Variants in ZDHHC23 observed in about 807,000 individuals in gnomAD.
The protein encoded by ZDHHC23 is palmitoyltransferase ZDHHC23.
A neutral mutation model predicts 40.2 loss-of-function variants in ZDHHC23; 41 were observed. The ratio of observed to expected loss-of-function variants is 1.02; its 90% confidence interval spans 0.79 to 1.32. The LOEUF (loss-of-function observed/expected upper bound fraction) is 1.32, where lower values mean the gene tolerates loss of function less well. ZDHHC23 is among the 40% of genes most tolerant of loss of function. ZDHHC23 has a pLI of 0.00. For synonymous variants in ZDHHC23, 204 were observed against 210.2 expected, an observed-to-expected ratio of 0.97 and a Z score of 0.26; for missense variants, 471 against 541.5, an observed-to-expected ratio of 0.87 and a Z score of 1.29.
chr3:113,967,310 G>C (rs955795758), downstream of ZDHHC23, among the ~76,000 whole-genome samples: 2 of 152,056 alleles, frequency 1.3e-5, no homozygotes, highest in Non-Finnish European at 2.9e-5. Flanking sequence ...AGCTCCTGCT[G>C]TTCTACCCTA....
the ZDHHC23 span, chr3:113,978,998 G>A: frequency 5.6e-6 from 9 of 1,613,412 alleles, no homozygotes; most frequent in Non-Finnish European, 7.6e-6. Flanking sequence ...AAAGAGTAAT[G>A]TTCTTCTGCC....
rs1236503902 is a variant in ZDHHC23 at position 113,958,544 on chromosome 3, T to C, written c.1222T>C (p.Tyr408His). The C allele has an allele frequency of 6.2e-7, 1 of 1,612,784 alleles. No homozygotes were observed. Among genetic ancestry groups the C allele is most frequent in the Non-Finnish European group, 8.5e-7 (1 of 1,180,014 alleles). Residue 408 changes from tyrosine (Y) to histidine (H), a missense_variant, in exon 5 of 5, where the codon TAC becomes CAC. Tyr to His is a moderately conservative substitution (Grantham distance 83). Coordinates refer to ENST00000638807, the MANE Select transcript of ZDHHC23 (RefSeq NM_001320466.2). ...CGGGCTCATCGTGGACACAGGCCAG[T>C]ACAATAGGGGCTTCCTGCGGAACTG... Reference protein sequence around the residue: ...LCGLIVDTGQYNRGFLRNWHQ... With the variant: ...LCGLIVDTGQHNRGFLRNWHQ...
At chr3:113,974,839 C>G in the ZDHHC23 span, among the ~76,000 whole-genome samples, 1 of 152,086 alleles carries the variant, frequency 6.6e-6, no homozygotes, top group African/African-American at 2.4e-5. Flanking sequence ...CATCTTGGCT[C>G]TAGTAAACCT....
rs1401041484 is a variant in ZDHHC23 at position 113,953,724 on chromosome 3, G to A, written c.186G>A (p.Gln62=). 1.2e-6 allele frequency: 2 copies of A among 1,613,786 alleles called. No homozygotes were observed. The highest frequency in any genetic ancestry group is 2.7e-5 in the African/African-American group (2 of 74,898). ...CDRWITCKSL[Q]PETCERIMDT... The stretch of plus-strand genomic sequence containing the variant: ...GATGGATTACATGTAAATCTTTACA[G>A]CCAGAGACTTGTGAAAGAATCATGG... The change falls in exon 3 of 5, where the codon CAG becomes CAA. Residue 62 remains glutamine (Q), a synonymous_variant. Coordinates refer to ENST00000638807, the MANE Select transcript of ZDHHC23 (RefSeq NM_001320466.2).
At chr3:113,970,724 C>A in the ZDHHC23 span, among the ~76,000 whole-genome samples, 2 of 152,100 alleles carry the variant, frequency 1.3e-5, no homozygotes, top group Non-Finnish European at 2.9e-5. Flanking sequence ...CCCGTCCCCC[C>A]ACCCCACAGC....
At chr3:113,949,723 T>G (rs1938483028) in intron 2 of ZDHHC23, among the ~76,000 whole-genome samples, 1 of 152,226 alleles carries the variant, frequency 6.6e-6, no homozygotes, top group African/African-American at 2.4e-5. Context: ...GCTTTTCCCA[T>G]TAATAATTAT....
At chr3:113,968,644 G>T (rs1468239074), downstream of ZDHHC23, among the ~76,000 whole-genome samples, 1 of 149,516 alleles carries the variant, frequency 6.7e-6, no homozygotes, top group Non-Finnish European at 1.5e-5. Flanking sequence ...TTTTTTGGTA[G>T]AGATGGGGTT....
intron 3 of ZDHHC23, among the ~76,000 whole-genome samples, chr3:113,955,576 T>TC (rs1009618800): frequency 6.6e-6 from 1 of 152,124 alleles, no homozygotes; most frequent in African/African-American, 2.4e-5. Context: ...AAGTTGTTCT[T>TC]CCCCCTACGC....
the ZDHHC23 span, chr3:113,978,532 AAC>A: frequency 1.6e-6 from 1 of 618,406 alleles, no homozygotes; most frequent in Non-Finnish European, 2.8e-6. Context: ...CATGAATAGA[AAC>A]AGTTATAAGA....
At chr3:113,954,522 C>A in intron 3 of ZDHHC23, 112 bp downstream of exon 3, 1 of 1,012,682 alleles carries the variant, frequency 9.9e-7, no homozygotes, top group Non-Finnish European at 1.4e-6. Flanking sequence ...AGCTTTACAC[C>A]TTGTAGATAT....
intron 3 of ZDHHC23, 59 bp from the exon 4 acceptor site, chr3:113,956,280 G>A (rs1056414699): frequency 1.0e-4 from 154 of 1,532,586 alleles, no homozygotes; most frequent in Non-Finnish European, 1.3e-4. Context: ...TATTATGTAA[G>A]TTATATCAAG....
At chr3:113,973,783 C>T in the ZDHHC23 span, among the ~76,000 whole-genome samples, 1 of 151,866 alleles carries the variant, frequency 6.6e-6, no homozygotes, top group Non-Finnish European at 1.5e-5. Flanking sequence ...TAGGTCAAAT[C>T]TGTTTGGTTT....
chr3:113,952,111 T>C (rs1938728382), intron 2 of ZDHHC23, among the ~76,000 whole-genome samples: 2 of 152,044 alleles, frequency 1.3e-5, no homozygotes, highest in Non-Finnish European at 2.9e-5. Flanking sequence ...CACTCCAGCC[T>C]GGGCAACAAG....
rs780330829 is a variant in ZDHHC23 at position 113,958,750 on chromosome 3, G to T, written c.*120G>T. 1.3e-6 allele frequency: 2 copies of T among 1,577,096 alleles called. No homozygotes were observed. Among genetic ancestry groups the T allele is most frequent in the African/African-American group, 2.7e-5 (2 of 74,572 alleles). ...TAAAGGCATTATAGGGCCATGCTCAGGTTTAGAGACTGGAGTGGGAAGAAG... is the reference window on the plus strand; with the variant it reads ...TAAAGGCATTATAGGGCCATGCTCATGTTTAGAGACTGGAGTGGGAAGAAG... On this transcript the variant is annotated 3_prime_UTR_variant, in exon 5 of 5. Coordinates refer to ENST00000638807, the MANE Select transcript of ZDHHC23 (RefSeq NM_001320466.2).
chr3:113,976,130 A>C, the ZDHHC23 span, among the ~76,000 whole-genome samples: 7 of 152,172 alleles, frequency 4.6e-5, no homozygotes, highest in African/African-American at 1.7e-4. Flanking sequence ...ATGGCAGTAC[A>C]TGCCGTTAAT....
chr3:113,961,995 G>A lies in ZDHHC23; in HGVS notation c.*3365G>A, dbSNP rs932053690. The A allele has an allele frequency of 6.6e-6, 1 of 152,564 alleles. No homozygotes were observed. Among genetic ancestry groups the A allele is most frequent in the East Asian group, 1.9e-4 (1 of 5,202 alleles). The allele number at this position is 152,564 out of a possible 1,614,324, so 9.5% of individuals were successfully genotyped here. A position where few individuals can be genotyped will look rare whatever the true frequency, so the allele number is the denominator to read the frequency against. ...AGACTTAAGGGTCTTTTTAACCTAG[G>A]TAAGTTTATATGACCTAACTTAATT... On this transcript the variant is annotated 3_prime_UTR_variant, in exon 5 of 5. Coordinates refer to ENST00000638807, the MANE Select transcript of ZDHHC23 (RefSeq NM_001320466.2).
At chr3:113,956,856 G>T (rs1559848186) in intron 4 of ZDHHC23, among the ~76,000 whole-genome samples, 1 of 152,184 alleles carries the variant, frequency 6.6e-6, no homozygotes. Context: ...GCACATATGT[G>T]CCTATTTTGT....
In ZDHHC23 at chr3:113,948,721, C is replaced by G; in HGVS notation, c.-82C>G. Reference sequence around the variant, plus strand: ...TTAAGCAGAGAGAGAGAGGCGTGGACCTATTTACGAGATGTAAGTTGTGTT... The same window carrying G: ...TTAAGCAGAGAGAGAGAGGCGTGGAGCTATTTACGAGATGTAAGTTGTGTT... On this transcript the variant is annotated 5_prime_UTR_variant, in exon 2 of 5. Coordinates refer to ENST00000638807, the MANE Select transcript of ZDHHC23 (RefSeq NM_001320466.2). The G allele has an allele frequency of 1.3e-6, 2 of 1,521,614 alleles. No individual in the cohort carries two copies. Among genetic ancestry groups the G allele is most frequent in the East Asian group, 4.5e-5 (2 of 44,350 alleles). The allele number at this position is 1,521,614 out of a possible 1,614,324, so 94.3% of individuals were successfully genotyped here.
Position 113,955,185 on chromosome 3 carries a change from C to T in ZDHHC23, c.872+775C>T, listed in dbSNP as rs571010635. On this transcript the variant is annotated intron_variant, in intron 3 of 4. Coordinates refer to ENST00000638807, the MANE Select transcript of ZDHHC23 (RefSeq NM_001320466.2). ...AGGATTCTGGTCCTGTAGCGTACCT[C>T]CTCCTCAGAAGGGGATGCAGGAGAG... 4.6e-5 allele frequency among the ~76,000 whole-genome samples: 7 copies of T among 152,306 alleles called. No individual in the cohort carries two copies. The East Asian group carries it at 1.2e-3, about 25-fold the overall frequency.
Sources: allele counts gnomAD v4.1 joint callset (sites outside exome capture counted in the v4.1 genomes callset), GRCh38; gene constraint gnomAD v4.1.1; transcripts MANE v1.5; gene names NCBI Gene and HGNC (gene_info 2026-07-23, HGNC 2026-07-21).